DNAH7: variants seen among roughly 807,000 people sequenced by gnomAD.
The protein encoded by DNAH7 is axonemal beta dynein heavy chain 7.
DNAH7 carries 397 observed loss-of-function variants against 444.6 expected under a neutral mutation model. That is an observed-to-expected ratio of 0.89 (90% confidence interval 0.82 to 0.97). The LOEUF is 0.97. Among genes scored for constraint, DNAH7 ranks in the 50% least tolerant of loss-of-function variants. The pLI, the probability that DNAH7 is intolerant of heterozygous loss-of-function variation, is 0.00. For synonymous variants in DNAH7, 1,636 were observed against 1,624.4 expected, an observed-to-expected ratio of 1.01 and a Z score of -0.17; for missense variants, 4,902 against 4,800.8, an observed-to-expected ratio of 1.02 and a Z score of -0.62.
intron 51 of DNAH7, among the ~76,000 whole-genome samples, chr2:195,812,025 A>G (rs191834277): frequency 1.3e-5 from 2 of 152,110 alleles, no homozygotes; most frequent in African/African-American, 4.8e-5. Context: ...CCTAAGATTG[A>G]CCTTTTGGGC....
At chr2:195,889,102 A>C (rs2125214083) in intron 31 of DNAH7, 121 bp from the exon 32 acceptor site, 1 of 881,400 alleles carries the variant, frequency 1.1e-6, no homozygotes, top group East Asian at 2.7e-5. Flanking sequence ...CATCATGAAA[A>C]CGTAAAAGCA....
chr2:195,876,231 T>C (rs914000261), intron 37 of DNAH7, among the ~76,000 whole-genome samples: 1 of 152,066 alleles, frequency 6.6e-6, no homozygotes, highest in Non-Finnish European at 1.5e-5. Context: ...TATTGAGAGC[T>C]GTGTTGCTGA....
intron 19 of DNAH7, among the ~76,000 whole-genome samples, chr2:195,953,312 G>A (rs775258892): frequency 4.6e-5 from 7 of 152,122 alleles, no homozygotes; most frequent in Admixed American, 2.6e-4. Flanking sequence ...TGGAAGCTTC[G>A]TCCCAGAGGG....
At position 195,858,688 on chromosome 2, in the gene DNAH7, A is replaced by G. The variant is rs1477837653; in HGVS notation, c.7853T>C (p.Val2618Ala). ...ELEALHPQLK[V>A]ASKEVDEMMI... ...CATTTCATCAACCTCTTTGCTAGCA[A>G]CTTTTAATTGAGGATGTAGTGCCTC... The change falls in exon 43 of 65, where the codon GTT becomes GCT. Residue 2618 changes from valine (V) to alanine (A), a missense_variant. Physicochemically the swap from Val to Ala is moderately conservative, Grantham distance 64 (BLOSUM62 0). Transcript: ENST00000312428. 7 of 1,614,010 alleles carry G rather than the reference A, an allele frequency of 4.3e-6. No individual in the cohort carries two copies. Among genetic ancestry groups the G allele is most frequent in the South Asian group, 3.3e-5 (3 of 91,074 alleles).
In DNAH7 at chr2:195,768,957, A is replaced by G. The variant is rs550383808; in HGVS notation, c.11433+2703T>C. Among the ~76,000 whole-genome samples, 8 of 152,306 alleles carry G rather than the reference A, an allele frequency of 5.3e-5. No individual in the cohort carries two copies. The East Asian group carries it at 1.4e-3, about 26-fold the overall frequency. ...TTTTAGCATTATACCAGAGAATGTG[A>G]TATAAAATTGTCCCAGTTAGATTGT... On this transcript the variant is annotated intron_variant, in intron 61 of 64. Transcript: ENST00000312428.
In DNAH7 at chr2:195,847,156, TTATATA is replaced by T. The variant is rs897809277; in HGVS notation, c.8782-1997_8782-1992del. 1.3e-4 allele frequency among the ~76,000 whole-genome samples: 19 copies of T among 145,168 alleles called. No individual in the cohort carries two copies. The East Asian group carries it at 2.5e-3, about 19-fold the overall frequency. Reference sequence around the variant, plus strand: ...TCTTATATATATATCAGATATATACTTATATATATAAACAGATATATATATATCCTA... The same window carrying T: ...TCTTATATATATATCAGATATATACTTATAAACAGATATATATATATCCTA... On this transcript the variant is annotated intron_variant, in intron 46 of 64. Transcript: ENST00000312428.
chr2:195,964,532 T>A (rs1691331367), intron 17 of DNAH7, among the ~76,000 whole-genome samples: 1 of 150,138 alleles, frequency 6.7e-6, no homozygotes. Context: ...AATAGTTTTT[T>A]TTTTTTTTTT....
intron 5 of DNAH7, among the ~76,000 whole-genome samples, chr2:196,038,479 C>T (rs999652967): frequency 4.6e-5 from 7 of 152,060 alleles, no homozygotes; most frequent in East Asian, 1.9e-4. Context: ...TAAGCCCTCA[C>T]CTATTAATAA....
chr2:195,934,651 T>A lies in DNAH7; in HGVS notation c.3411A>T (p.Arg1137Ser). 5 of 1,614,134 alleles carry A rather than the reference T, an allele frequency of 3.1e-6. No individual in the cohort carries two copies. The highest frequency in any genetic ancestry group is 4.2e-6 in the Non-Finnish European group (5 of 1,179,990). ...CAACCAACCACTTCTCCACTTGACC[T>A]CTGGCTTTGGCTGTTGAAATAATCT... ...LIEIISTAKA[R>S]GQVEKWLVEL... Residue 1137 changes from arginine (R) to serine (S), a missense_variant, in exon 21 of 65, where the codon AGA becomes AGT. Physicochemically the swap from Arg to Ser is moderately radical, Grantham distance 110. Transcript: ENST00000312428.
intron 55 of DNAH7, among the ~76,000 whole-genome samples, chr2:195,798,710 AT>A (rs763153016): frequency 1.3e-5 from 2 of 150,154 alleles, no homozygotes; most frequent in African/African-American, 4.9e-5. Context: ...CGCCCAGCTA[AT>A]TTTTTTTTGT....
intron 24 of DNAH7, among the ~76,000 whole-genome samples, chr2:195,914,357 G>T (rs192202310): frequency 1.3e-5 from 2 of 152,324 alleles, no homozygotes; most frequent in African/African-American, 4.8e-5. Flanking sequence ...AATGTTAACT[G>T]TAAAGGGATT....
At chr2:195,993,774 C>CGGCA (rs1237552041) in intron 12 of DNAH7, among the ~76,000 whole-genome samples, 1 of 152,138 alleles carries the variant, frequency 6.6e-6, no homozygotes, top group Non-Finnish European at 1.5e-5. Flanking sequence ...TTTGCATTTG[C>CGGCA]GGCAGTTCCA....
At chr2:195,833,049 C>T (rs904033621) in intron 48 of DNAH7, among the ~76,000 whole-genome samples, 2 of 152,154 alleles carry the variant, frequency 1.3e-5, no homozygotes, top group Non-Finnish European at 2.9e-5. Flanking sequence ...CAAGGACAGT[C>T]CCCTGCCCAT....
chr2:195,837,724 T>C (rs970428146), intron 47 of DNAH7, among the ~76,000 whole-genome samples: 1 of 152,152 alleles, frequency 6.6e-6, no homozygotes, highest in African/African-American at 2.4e-5. Flanking sequence ...AACTGTATTA[T>C]CATGACAGAA....
chr2:195,771,950 A>G lies in DNAH7; in HGVS notation c.11203-60T>C, dbSNP rs1694862285. The G allele has an allele frequency of 2.2e-6, 3 of 1,380,662 alleles. No individual in the cohort carries two copies. In the African/African-American group the frequency reaches 4.3e-5, roughly 20 times the overall value. The allele number at this position is 1,380,662 out of a possible 1,614,324, so 85.5% of individuals were successfully genotyped here. ...CATAAAGGTCTAACAATAGCTGAAT[A>G]GGAAAAATCCTAAGGTAAATCTTTA... On this transcript the variant is annotated intron_variant, in intron 60 of 64. Transcript: ENST00000312428.
chr2:195,850,192 G>T (rs1292639484), intron 46 of DNAH7, among the ~76,000 whole-genome samples: 2 of 151,978 alleles, frequency 1.3e-5, no homozygotes, highest in Non-Finnish European at 2.9e-5. Flanking sequence ...TGAGCATGGA[G>T]GACTCCGAAC....
chr2:195,746,745 TACTGGGTAC>T (rs1248151356), intron 63 of DNAH7, among the ~76,000 whole-genome samples: 1 of 151,952 alleles, frequency 6.6e-6, no homozygotes. Flanking sequence ...CCTGAATGAC[TACTGGGTAC>T]ATAACGAAAT....
intron 54 of DNAH7, among the ~76,000 whole-genome samples, chr2:195,801,553 C>T (rs1696458383): frequency 6.6e-6 from 1 of 152,064 alleles, no homozygotes; most frequent in South Asian, 2.1e-4. Flanking sequence ...TGCTCAGATA[C>T]AAGAATGGAA....
At chr2:195,805,737 T>C (rs1024151568) in intron 54 of DNAH7, among the ~76,000 whole-genome samples, 17 of 152,310 alleles carry the variant, frequency 1.1e-4, no homozygotes, top group Non-Finnish European at 2.2e-4. Flanking sequence ...CATAGACCCC[T>C]GGAAGTATTC....
Sources: allele counts gnomAD v4.1 joint callset (sites outside exome capture counted in the v4.1 genomes callset), GRCh38; gene constraint gnomAD v4.1.1; transcripts MANE v1.5; gene names NCBI Gene and HGNC (gene_info 2026-07-23, HGNC 2026-07-21).